FBXL17: variants seen among roughly 807,000 people sequenced by gnomAD.
FBXL17 encodes F-box/LRR-repeat protein 17.
FBXL17 carries 22 observed loss-of-function variants against 66.2 expected under a neutral mutation model. The observed-to-expected ratio is 0.33, with a 90% confidence interval of 0.24 to 0.47. The LOEUF (loss-of-function observed/expected upper bound fraction) is 0.47, where lower values mean the gene tolerates loss of function less well. Ranked by LOEUF, FBXL17 falls within the 20% of genes least tolerant of loss-of-function variation. The pLI is 1.00. For missense variants in FBXL17, 878 were observed against 948.2 expected, an observed-to-expected ratio of 0.93 and a Z score of 0.97; for synonymous variants, 474 against 400.5, an observed-to-expected ratio of 1.18 and a Z score of -2.19.
At chr5:108,368,969 T>C (rs960455629) in intron 1 of FBXL17, among the ~76,000 whole-genome samples, 1 of 148,542 alleles carries the variant, frequency 6.7e-6, no homozygotes. Flanking sequence ...AAAAGGAAAT[T>C]CTCTGTGGAC....
chr5:107,956,525 T>C (rs1751671865), intron 7 of FBXL17, among the ~76,000 whole-genome samples: 1 of 152,198 alleles, frequency 6.6e-6, no homozygotes, highest in South Asian at 2.1e-4. Flanking sequence ...TTTGGGCAAG[T>C]TACTTAAACT....
chr5:108,069,102 A>G (rs1580399003), intron 6 of FBXL17, among the ~76,000 whole-genome samples: 1 of 152,200 alleles, frequency 6.6e-6, no homozygotes, highest in Non-Finnish European at 1.5e-5. Flanking sequence ...CACCCCTCAC[A>G]GTCTACAGGA....
chr5:108,077,678 T>A (rs1259679865), intron 6 of FBXL17, among the ~76,000 whole-genome samples: 2 of 148,616 alleles, frequency 1.3e-5, no homozygotes, highest in African/African-American at 4.9e-5. Context: ...AAAAAAAAAA[T>A]GAAAAAAATG....
chr5:108,239,950 C>A (rs973324857), intron 4 of FBXL17, among the ~76,000 whole-genome samples: 12 of 152,034 alleles, frequency 7.9e-5, no homozygotes, highest in Non-Finnish European at 1.5e-5. Context: ...TCTAGATACA[C>A]CCTCAGCGAG....
intron 6 of FBXL17, among the ~76,000 whole-genome samples, chr5:108,078,143 T>A (rs1044463880): frequency 2.0e-5 from 3 of 152,222 alleles, no homozygotes; most frequent in Admixed American, 2.0e-4. Flanking sequence ...CTACATCATA[T>A]ATACAGGCCT....
intron 6 of FBXL17, among the ~76,000 whole-genome samples, chr5:108,154,601 A>AT (rs1273799653): frequency 7.7e-5 from 7 of 90,906 alleles, no homozygotes; most frequent in African/African-American, 3.0e-4. Context: ...AAAAAAAAAA[A>AT]AAAAAATATA....
chr5:108,289,893 TACCTTCTAAAATGAAAAATTCAGGGG>T (rs1758043767), intron 4 of FBXL17, among the ~76,000 whole-genome samples: 1 of 152,164 alleles, frequency 6.6e-6, no homozygotes. Flanking sequence ...TTGCAGGAGA[TACCTTCTAAAATGAAAAATTCAGGGG>T]AAAGTCTTTG....
intron 7 of FBXL17, among the ~76,000 whole-genome samples, chr5:107,983,831 G>A (rs1050223731): frequency 1.3e-5 from 2 of 152,108 alleles, no homozygotes; most frequent in South Asian, 4.1e-4. Context: ...AAATGGAAGA[G>A]ACTAGGCATG....
At chr5:108,171,370 ATC>A (rs1199103800) in intron 6 of FBXL17, among the ~76,000 whole-genome samples, 1 of 152,182 alleles carries the variant, frequency 6.6e-6, no homozygotes, top group African/African-American at 2.4e-5. Context: ...GGTCAGACAG[ATC>A]TACATTCAAT....
chr5:108,201,360 T>C lies in FBXL17; in HGVS notation c.1615-15113A>G, dbSNP rs149535381. On this transcript the variant is annotated intron_variant, in intron 5 of 8. Coordinates refer to ENST00000542267, the MANE Select transcript of FBXL17 (RefSeq NM_001163315.3). ...CATGTAAATGAATAAACAATATGTA[T>C]AGACACAGGTACTTCCCTGTGGCTG... Among the ~76,000 whole-genome samples, 12 of 152,268 alleles carry C rather than the reference T, an allele frequency of 7.9e-5. No homozygotes were observed. The East Asian group carries it at 1.5e-3, about 20-fold the overall frequency.
rs181402256 is a variant in FBXL17, at chr5:107,861,970, C to T, written c.1966-110G>A. On this transcript the variant is annotated intron_variant, in intron 8 of 8. Coordinates refer to ENST00000542267, the MANE Select transcript of FBXL17 (RefSeq NM_001163315.3). ...CTCACTGTGACACGAAGAGCCCTCG[C>T]CTTGTTCCTCCTAGCGATGTGAGGA... The T allele has an allele frequency of 9.1e-5, 106 of 1,170,138 alleles. No homozygotes were observed. In the Admixed American group the frequency reaches 3.3e-3, roughly 36 times the overall value. The allele number at this position is 1,170,138 out of a possible 1,614,324, so 72.5% of individuals were successfully genotyped here.
At chr5:108,044,241 T>C (rs1283715294) in intron 6 of FBXL17, among the ~76,000 whole-genome samples, 1 of 137,720 alleles carries the variant, frequency 7.3e-6, no homozygotes, top group East Asian at 2.2e-4. Flanking sequence ...AGAGCAGATA[T>C]CCTTACCTTG....
intron 7 of FBXL17, among the ~76,000 whole-genome samples, chr5:107,944,467 C>G (rs950613513): frequency 6.6e-6 from 1 of 152,050 alleles, no homozygotes; most frequent in Non-Finnish European, 1.5e-5. Context: ...AAACGTTACT[C>G]TCCAGCTTCA....
At chr5:108,352,732 A>G (rs2112500389) in intron 3 of FBXL17, among the ~76,000 whole-genome samples, 1 of 152,232 alleles carries the variant, frequency 6.6e-6, no homozygotes, top group South Asian at 2.1e-4. Context: ...GCTGGTCTCG[A>G]ACTCCTGACC....
At chr5:108,052,129 AAAAAAG>A (rs1561386688) in intron 6 of FBXL17, among the ~76,000 whole-genome samples, 4 of 40,852 alleles carry the variant, frequency 9.8e-5, no homozygotes, top group African/African-American at 2.8e-4. Flanking sequence ...AAAAAAAAAA[AAAAAAG>A]AAAAAAGAAA....
At chr5:108,355,205 T>C (rs1184693512) in intron 3 of FBXL17, among the ~76,000 whole-genome samples, 1 of 151,858 alleles carries the variant, frequency 6.6e-6, no homozygotes, top group Non-Finnish European at 1.5e-5. Flanking sequence ...TACACACACA[T>C]ATATATGCTT....
chr5:108,309,247 C>T lies in FBXL17; in HGVS notation c.1506+39152G>A, dbSNP rs189046703. 2.9e-3 allele frequency among the ~76,000 whole-genome samples: 436 copies of T among 151,970 alleles called. 3 individuals are homozygous for T. Among genetic ancestry groups the T allele is most frequent in the African/African-American group, 0.01 (425 of 41,508 alleles). ...ATAAGCATAAGCCAAAATAACAGAGCATAGCCATTTTTAATATTAAAATAC... is the reference window on the plus strand; with the variant it reads ...ATAAGCATAAGCCAAAATAACAGAGTATAGCCATTTTTAATATTAAAATAC... On this transcript the variant is annotated intron_variant, in intron 4 of 8. Coordinates refer to ENST00000542267, the MANE Select transcript of FBXL17 (RefSeq NM_001163315.3).
chr5:108,021,029 A>G (rs766629293), intron 6 of FBXL17, 28 bp from the exon 7 acceptor site: 2 of 1,538,658 alleles, frequency 1.3e-6, no homozygotes, highest in Non-Finnish European at 1.8e-6. Flanking sequence ...TGGTTATACT[A>G]ATGCGTTTCA....
intron 6 of FBXL17, among the ~76,000 whole-genome samples, chr5:108,138,974 A>C (rs2149983914): frequency 6.6e-6 from 1 of 152,344 alleles, no homozygotes; most frequent in African/African-American, 2.4e-5. Flanking sequence ...ATTGAGAATG[A>C]GCATTCATCT....
Sources: allele counts gnomAD v4.1 joint callset (sites outside exome capture counted in the v4.1 genomes callset), GRCh38; gene constraint gnomAD v4.1.1; transcripts MANE v1.5; gene names NCBI Gene and HGNC (gene_info 2026-07-23, HGNC 2026-07-21).